RC3H1: variants seen among roughly 807,000 people sequenced by gnomAD.
RC3H1 encodes ring finger and CCCH-type domains 1.
RC3H1 carries 50 observed loss-of-function variants against 138.2 expected under a neutral mutation model. The ratio of observed to expected loss-of-function variants is 0.36; its 90% CI spans 0.29 to 0.46. RC3H1 has a LOEUF of 0.46. Among genes scored for constraint, RC3H1 ranks in the 20% least tolerant of loss-of-function variants. RC3H1 has a pLI of 1.00. For missense variants in RC3H1, 1,031 were observed against 1,388.1 expected (o/e 0.74, Z 4.09); for synonymous variants, 462 against 489.1 (o/e 0.94, Z 0.73).
At chr1:173,983,683 C>T in intron 3 of RC3H1, 26 bp from the exon 4 acceptor site, 1 of 1,608,638 alleles carries the variant, frequency 6.2e-7, no homozygotes, top group South Asian at 1.1e-5. Context: ...GAAGTTATTC[C>T]TAGGTTCACA....
intron 1 of RC3H1, among the ~76,000 whole-genome samples, chr1:174,013,845 A>G (rs1007378871): frequency 1.3e-5 from 2 of 152,156 alleles, no homozygotes; most frequent in African/African-American, 4.8e-5. Context: ...TTGGGAGGCC[A>G]AGGCAGGAGC....
At chr1:173,999,195 C>G (rs1426328941) in intron 1 of RC3H1, among the ~76,000 whole-genome samples, 1 of 151,996 alleles carries the variant, frequency 6.6e-6, no homozygotes, top group Non-Finnish European at 1.5e-5. Flanking sequence ...TTGAGACCAG[C>G]TTGACCAACA....
intron 13 of RC3H1, among the ~76,000 whole-genome samples, chr1:173,955,162 G>C (rs1190072078): frequency 3.5e-5 from 5 of 143,964 alleles, no homozygotes; most frequent in African/African-American, 5.1e-5. Context: ...GGAGGCGGAG[G>C]TTGCAGTGAG....
rs550299749 is a variant in RC3H1 at position 173,953,304 on chromosome 1, G to A, written c.2371-1166C>T. ...CTCCTTTTTTTTGAGATGGTGTCTC[G>A]CTCTGTCACCCAGGCTGAAGTGCAG... is the stretch of plus-strand genomic sequence containing the variant. On this transcript the variant is annotated intron_variant, in intron 13 of 19. Coordinates refer to ENST00000367696, the MANE Select transcript of RC3H1 (RefSeq NM_172071.4). Among the ~76,000 whole-genome samples, 18 of 151,942 alleles carry A rather than the reference G, an allele frequency of 1.2e-4. 1 individual carries two copies. In the South Asian group the frequency reaches 2.5e-3, roughly 21 times the overall value.
At chr1:173,941,010 CG>C in intron 19 of RC3H1, among the ~76,000 whole-genome samples, 1 of 151,936 alleles carries the variant, frequency 6.6e-6, no homozygotes, top group East Asian at 1.9e-4. Flanking sequence ...TTAGTAGAGA[CG>C]GGGTTTCACC....
At position 173,964,192 on chromosome 1, in the gene RC3H1, G is replaced by C. The variant is rs772587023; in HGVS notation, c.1617-5C>G. 1.3e-6 allele frequency: 2 copies of C among 1,598,168 alleles called. No homozygotes were observed. Among genetic ancestry groups the C allele is most frequent in the African/African-American group, 1.3e-5 (1 of 74,532 alleles). ...CTCTTAGGAACAGATTCTAGCCTAA[G>C]GGAATAATATTATGGAAGTTGTTTA... is the stretch of plus-strand genomic sequence containing the variant. On this transcript the variant is annotated splice_region_variant and splice_polypyrimidine_tract_variant and intron_variant, in intron 10 of 19. Transcript: ENST00000367696.
At position 173,967,404 on chromosome 1, in the gene RC3H1, A is replaced by G. The variant is rs184731956; in HGVS notation, c.1335-2284T>C. On this transcript the variant is annotated intron_variant, in intron 9 of 19. Coordinates refer to ENST00000367696, the MANE Select transcript of RC3H1 (RefSeq NM_172071.4). ...AAGCAAAGGCAGAATGAGGTCAAAG[A>G]GCACGCAAATTAGAAATTTTTATGT... Among the ~76,000 whole-genome samples the G allele has an allele frequency of 5.9e-5, 9 of 152,364 alleles. No homozygotes were observed. In the East Asian group the frequency reaches 1.3e-3, roughly 23 times the overall value.
In RC3H1 at chr1:173,940,577, T is replaced by C. The variant is rs553675186; in HGVS notation, c.3251+688A>G. ...TTAAAATTTGCCCTTTTCTAAAATTTTCCATTTCCTAAAGCTAATTTTTTA... is the reference window on the plus strand; with the variant it reads ...TTAAAATTTGCCCTTTTCTAAAATTCTCCATTTCCTAAAGCTAATTTTTTA... On this transcript the variant is annotated intron_variant, in intron 19 of 19. Transcript: ENST00000367696. Among the ~76,000 whole-genome samples, 3 of 152,320 alleles carry C rather than the reference T, an allele frequency of 2.0e-5. No individual in the cohort carries two copies. The South Asian group carries it at 6.2e-4, about 32-fold the overall frequency.
At chr1:173,989,711 T>C (rs909829984) in intron 2 of RC3H1, among the ~76,000 whole-genome samples, 1,058 of 102,814 alleles carry the variant, frequency 0.01, 28 homozygotes, top group African/African-American at 0.069. Flanking sequence ...TTTATTCAAG[T>C]TTTTTTTTTT....
At chr1:173,999,159 T>A (rs1338183091) in intron 1 of RC3H1, among the ~76,000 whole-genome samples, 3 of 150,868 alleles carry the variant, frequency 2.0e-5, no homozygotes, top group African/African-American at 7.3e-5. Flanking sequence ...GAGGCTGAGG[T>A]TGGCAGATCA....
intron 19 of RC3H1, 74 bp downstream of exon 19, chr1:173,941,191 A>G (rs1460648581): frequency 1.2e-6 from 1 of 834,162 alleles, no homozygotes; most frequent in African/African-American, 1.7e-5. Flanking sequence ...GGTATTTCTG[A>G]TATGACTGGA....
At position 173,941,374 on chromosome 1, in the gene RC3H1, G is replaced by C. The variant is rs1445662346; in HGVS notation, c.3142C>G (p.Gln1048Glu). ...KRTRELSMEN[Q>E]CSLDMKSKLN... is the part of the protein sequence containing the mutation. ...TTGCTTTTCATGTCCAGAGAACACT[G>C]GTTTTCCTTTGAAAGAGAAGGAAAT... The change falls in exon 19 of 20, where the codon CAG (glutamine) becomes GAG (glutamate). Residue 1048 changes from glutamine to glutamate, a missense_variant. Gln to Glu is a conservative substitution (Grantham distance 29, BLOSUM62 2). This residue lies in a region of RC3H1 where 716 missense variants were observed against 837.9 expected (regional missense o/e 0.85). Transcript: ENST00000367696. 1 of 1,604,306 alleles carries C rather than the reference G, an allele frequency of 6.2e-7. No homozygotes were observed.
rs1572103567 is a variant in RC3H1, at chr1:173,936,159, C to T, written c.*2562G>A. 1 of 152,138 alleles carries T rather than the reference C, an allele frequency of 6.6e-6. No individual in the cohort carries two copies. The highest frequency in any genetic ancestry group is 1.9e-4 in the East Asian group (1 of 5,184). The allele number at this position is 152,138 out of a possible 1,614,324, so 9.4% of individuals were successfully genotyped here. On this transcript the variant is annotated 3_prime_UTR_variant, in exon 20 of 20. Coordinates refer to ENST00000367696, the MANE Select transcript of RC3H1 (RefSeq NM_172071.4). ...AACAAGAATAACAGAAACTGAGTTA[C>T]TAAGGGGTTTCAACTGATATCCAAA...
At chr1:173,942,147 C>A in intron 18 of RC3H1, among the ~76,000 whole-genome samples, 1 of 149,718 alleles carries the variant, frequency 6.7e-6, no homozygotes, top group East Asian at 2.0e-4. Flanking sequence ...GAGGCTGAGG[C>A]AGAAGAATCA....
chr1:173,963,438 C>T (rs1481980717), intron 11 of RC3H1, among the ~76,000 whole-genome samples: 1 of 152,154 alleles, frequency 6.6e-6, no homozygotes, highest in Non-Finnish European at 1.5e-5. Context: ...ATAAACACCA[C>T]ACACATGCAT....
rs1464713448 is a variant in RC3H1 at position 173,984,504 on chromosome 1, G to A, written c.347C>T (p.Ala116Val). 6.2e-7 allele frequency: 1 copy of A among 1,612,680 alleles called. No individual in the cohort carries two copies. Among genetic ancestry groups the A allele is most frequent in the Non-Finnish European group, 8.5e-7 (1 of 1,179,524 alleles). The change falls in exon 3 of 20, where the codon GCT (alanine) becomes GTT (valine). Residue 116 changes from alanine (A) to valine (V), a missense_variant. Physicochemically the swap from Ala to Val is moderately conservative, Grantham distance 64. Coordinates refer to ENST00000367696, the MANE Select transcript of RC3H1 (RefSeq NM_172071.4). ...AGAAACAAAAACAAACTTACCTCTA[G>A]CACTGCTGAGCGGTTTTAAGTACAA... ...LALYLKPLSS[A>V]RGVGLNSTTQ...
intron 15 of RC3H1, 61 bp downstream of exon 15, chr1:173,947,308 G>C (rs1659175646): frequency 1.8e-6 from 2 of 1,105,738 alleles, no homozygotes; most frequent in Non-Finnish European, 2.8e-6. Flanking sequence ...TGGAGAGCAG[G>C]GGTAATGCTG....
chr1:173,941,427 G>T, intron 18 of RC3H1, 47 bp from the exon 19 acceptor site: 3 of 1,167,472 alleles, frequency 2.6e-6, no homozygotes, highest in Non-Finnish European at 3.8e-6. Context: ...ATTTAATGGT[G>T]TTAATGGGAG....
Position 173,964,027 on chromosome 1 carries a change from A to G in RC3H1, c.1777T>C (p.Tyr593His). 6.2e-7 allele frequency: 1 copy of G among 1,614,154 alleles called. No individual in the cohort carries two copies. Among genetic ancestry groups the G allele is most frequent in the Non-Finnish European group, 8.5e-7 (1 of 1,180,024 alleles). ...GGAGCTGCTCCTCGAGGATCCTGAT[A>G]ATAAACATCCGTCTGTTGTGCTGGA... ...LYPAQQTDVY[Y>H]QDPRGAAPPF... The change falls in exon 11 of 20, where the codon TAT becomes CAT. Residue 593 changes from tyrosine (Y) to histidine (H), a missense_variant. This residue lies in a region of RC3H1 where 716 missense variants were observed against 837.9 expected (regional missense o/e 0.85). Transcript: ENST00000367696.
Sources: gnomAD v4.1 joint callset for allele counts (sites outside exome capture counted in the v4.1 genomes callset) on GRCh38, gnomAD v4.1.1 for gene constraint, gnomAD v4.1.1 regional missense constraint, MANE v1.5 for transcripts, NCBI Gene and HGNC (gene_info 2026-07-23, HGNC 2026-07-21) for gene names.